The following TMEM182 variants were observed in gnomAD, a reference collection of about 807,000 sequenced individuals.
TMEM182 encodes transmembrane protein 182.
TMEM182 carries 20 observed loss-of-function variants against 26.8 expected under a neutral mutation model. The observed-to-expected ratio is 0.75, with a 90% CI of 0.53 to 1.09. The LOEUF is 1.09. Ranked by LOEUF, TMEM182 falls within the 50% of genes least tolerant of loss-of-function variation. The pLI is 0.00. For missense variants in TMEM182, 277 were observed against 275.5 expected, an observed-to-expected ratio of 1.01 and a Z score of -0.04; for synonymous variants, 109 against 102.2, an observed-to-expected ratio of 1.07 and a Z score of -0.40.
intron 3 of TMEM182, among the ~76,000 whole-genome samples, chr2:102,826,380 A>G (rs1291177014): frequency 6.8e-6 from 1 of 148,006 alleles, no homozygotes; most frequent in Non-Finnish European, 1.5e-5. Flanking sequence ...TGGTTTAGAG[A>G]GAGGTCCCTG....
In TMEM182 at chr2:102,815,865, A is replaced by C. The variant is rs1230730360; in HGVS notation, c.*897A>C. Reference sequence around the variant, plus strand: ...AAAATGTGATTTTAATATTTTTTAGATATAAACTTTCAACGTACTTCCATA... The same window carrying C: ...AAAATGTGATTTTAATATTTTTTAGCTATAAACTTTCAACGTACTTCCATA... On this transcript the variant is annotated 3_prime_UTR_variant, in exon 5 of 5. Transcript: ENST00000412401. 1.1e-6 allele frequency: 1 copy of C among 911,902 alleles called. No homozygotes were observed. The highest frequency in any genetic ancestry group is 1.3e-6 in the Non-Finnish European group (1 of 763,414). The allele number at this position is 911,902 out of a possible 1,614,324, so 56.5% of individuals were successfully genotyped here.
intron 3 of TMEM182, among the ~76,000 whole-genome samples, chr2:102,831,171 G>C (rs184306500): frequency 6.6e-6 from 1 of 152,310 alleles, no homozygotes; most frequent in Admixed American, 6.5e-5. Flanking sequence ...AAACATAGGA[G>C]TGCAGATGTC....
At chr2:102,747,107 A>T (rs1239308888) in intron 1 of TMEM182, among the ~76,000 whole-genome samples, 1 of 152,200 alleles carries the variant, frequency 6.6e-6, no homozygotes, top group Non-Finnish European at 1.5e-5. Flanking sequence ...TCACCCTGGG[A>T]GTGAAACTCG....
At chr2:102,825,562 G>A (rs1244831246) in intron 3 of TMEM182, among the ~76,000 whole-genome samples, 6 of 152,186 alleles carry the variant, frequency 3.9e-5, no homozygotes, top group African/African-American at 1.2e-4. Flanking sequence ...GAGTTTTTGA[G>A]TCACTTTGCT....
At chr2:102,841,444 T>C (rs1253609766) in intron 3 of TMEM182, among the ~76,000 whole-genome samples, 1 of 152,082 alleles carries the variant, frequency 6.6e-6, no homozygotes, top group Non-Finnish European at 1.5e-5. Flanking sequence ...CAGGTGTCAC[T>C]GTGGAGTCAT....
rs746947618 is a variant in TMEM182, at chr2:102,798,012, G to A, written c.469+12G>A. 14 of 1,600,042 alleles carry A rather than the reference G, an allele frequency of 8.7e-6. No individual in the cohort carries two copies. The East Asian group carries it at 1.3e-4, about 15-fold the overall frequency. Reference sequence around the variant, plus strand: ...ATATATTGCTGCAGGTACGTACGGTGCAATGGGTATGACTTTCAGCCACGG... The same window carrying A: ...ATATATTGCTGCAGGTACGTACGGTACAATGGGTATGACTTTCAGCCACGG... On this transcript the variant is annotated intron_variant, in intron 4 of 4. Transcript: ENST00000412401.
At chr2:102,835,678 C>T (rs1168822991) in intron 3 of TMEM182, among the ~76,000 whole-genome samples, 2 of 151,904 alleles carry the variant, frequency 1.3e-5, no homozygotes, top group South Asian at 2.1e-4. Flanking sequence ...TCAGAATTTT[C>T]TTTTTTTAAA....
chr2:102,741,919 AC>A (rs1679556525), intron 1 of TMEM182, among the ~76,000 whole-genome samples: 1 of 152,198 alleles, frequency 6.6e-6, no homozygotes, highest in South Asian at 2.1e-4. Flanking sequence ...GAAACCTCAT[AC>A]AAAAAGCCTG....
At chr2:102,772,253 G>A (rs1181679621) in intron 3 of TMEM182, among the ~76,000 whole-genome samples, 12 of 152,190 alleles carry the variant, frequency 7.9e-5, no homozygotes, top group Admixed American at 7.8e-4. Flanking sequence ...AGCAATTATT[G>A]AGTGCCTGCT....
rs928489892 is a variant in TMEM182 at position 102,797,856 on chromosome 2, T to C, written c.332-7T>C. 1.2e-6 allele frequency: 2 copies of C among 1,606,534 alleles called. No homozygotes were observed. The highest frequency in any genetic ancestry group is 8.5e-7 in the Non-Finnish European group (1 of 1,178,222). On this transcript the variant is annotated splice_polypyrimidine_tract_variant and splice_region_variant and intron_variant, in intron 3 of 4. Transcript: ENST00000412401. Reference sequence around the variant, plus strand: ...TTTCTTTTCTCTTTTCCTCCTGGGGTCTCCAGTTTACCGTGGTTTCTGGGC... The same window carrying C: ...TTTCTTTTCTCTTTTCCTCCTGGGGCCTCCAGTTTACCGTGGTTTCTGGGC...
At chr2:102,756,666 G>C (rs1449823271) in intron 1 of TMEM182, among the ~76,000 whole-genome samples, 1 of 152,220 alleles carries the variant, frequency 6.6e-6, no homozygotes, top group East Asian at 2.0e-4. Flanking sequence ...CTGAGTTCCT[G>C]CCACTGCACT....
chr2:102,827,037 A>T (rs1683045086), intron 3 of TMEM182, among the ~76,000 whole-genome samples: 1 of 152,204 alleles, frequency 6.6e-6, no homozygotes, highest in South Asian at 2.1e-4. Flanking sequence ...CCCTTGTCTT[A>T]TGTGGCTTCC....
At chr2:102,777,258 G>T (rs758541803) in intron 3 of TMEM182, among the ~76,000 whole-genome samples, 1 of 151,934 alleles carries the variant, frequency 6.6e-6, no homozygotes, top group Non-Finnish European at 1.5e-5. Flanking sequence ...TTATTTTCAA[G>T]GAGTTTTATG....
chr2:102,743,807 G>C (rs1374724301), intron 1 of TMEM182, among the ~76,000 whole-genome samples: 1 of 152,084 alleles, frequency 6.6e-6, no homozygotes, highest in Non-Finnish European at 1.5e-5. Flanking sequence ...GAAAACTGGA[G>C]TAGCCATATT....
In TMEM182 at chr2:102,788,887, T is replaced by C. The variant is rs978574797; in HGVS notation, c.332-8976T>C. 2.6e-5 allele frequency among the ~76,000 whole-genome samples: 4 copies of C among 152,220 alleles called. No individual in the cohort carries two copies. In the South Asian group the frequency reaches 8.3e-4, roughly 32 times the overall value. On this transcript the variant is annotated intron_variant, in intron 3 of 4. Coordinates refer to ENST00000412401, the MANE Select transcript of TMEM182 (RefSeq NM_144632.5). ...ATGGGCCACGCTGAGCACTGGACTT[T>C]GCTTGGCATGTTCACGATTGTGGGG...
chr2:102,825,950 G>A (rs1441122928), intron 3 of TMEM182, among the ~76,000 whole-genome samples: 1 of 152,222 alleles, frequency 6.6e-6, no homozygotes, highest in Non-Finnish European at 1.5e-5. Context: ...ATAGCAGAGA[G>A]AAGATGTTTT....
At chr2:102,825,963 A>G (rs1368067200) in intron 3 of TMEM182, among the ~76,000 whole-genome samples, 6 of 152,196 alleles carry the variant, frequency 3.9e-5, no homozygotes, top group Non-Finnish European at 8.8e-5. Context: ...GATGTTTTGA[A>G]CACTTTTGAA....
At chr2:102,812,258 C>A (rs1682579158) in intron 4 of TMEM182, among the ~76,000 whole-genome samples, 1 of 152,152 alleles carries the variant, frequency 6.6e-6, no homozygotes, top group Non-Finnish European at 1.5e-5. Flanking sequence ...TGTTTCCTCT[C>A]TTGACCACAT....
chr2:102,827,650 A>G (rs1403793795), intron 3 of TMEM182, among the ~76,000 whole-genome samples: 2 of 152,220 alleles, frequency 1.3e-5, no homozygotes, highest in Non-Finnish European at 2.9e-5. Context: ...TAAGCAGCCT[A>G]TGACAAGATT....
Sources: gnomAD v4.1 joint callset for allele counts (sites outside exome capture counted in the v4.1 genomes callset) on GRCh38, gnomAD v4.1.1 for gene constraint, MANE v1.5 for transcripts, NCBI Gene and HGNC (gene_info 2026-07-23, HGNC 2026-07-21) for gene names.